Variants in ARHGAP33 observed in about 807,000 individuals in gnomAD.
The protein encoded by ARHGAP33 is Rho GTPase activating protein 33, also known as rho GTPase-activating protein 33.
A neutral mutation model predicts 126.2 loss-of-function variants in ARHGAP33; 57 were observed. That is an observed-to-expected ratio of 0.45 (90% CI 0.36 to 0.56). The LOEUF (loss-of-function observed/expected upper bound fraction) is 0.56. Among genes scored for constraint, ARHGAP33 ranks in the 20% least tolerant of loss-of-function variants. The pLI, the probability that ARHGAP33 is intolerant of heterozygous loss-of-function variation, is 0.00. For missense variants in ARHGAP33, 1,500 were observed against 1,748.3 expected, an observed-to-expected ratio of 0.86 and a Z score of 2.53; for synonymous variants, 711 against 755.0, an observed-to-expected ratio of 0.94 and a Z score of 0.95.
rs376028744 is a variant in ARHGAP33 at position 35,787,440 on chromosome 19, C to T, written c.2875C>T (p.Pro959Ser). ...SGPPPNSLAH[P>S]GAWVPGPPPY... ...GCCACCTCCCAACTCCCTAGCACAC[C>T]CGGGTGCCTGGGTCCCGGGACCCCC... Residue 959 changes from proline to serine, a missense_variant, in exon 21 of 21, where the codon CCG (proline) becomes TCG (serine). By Grantham distance (74) the Pro-to-Ser change is moderately conservative. Coordinates refer to ENST00000007510, the MANE Select transcript of ARHGAP33 (RefSeq NM_001366178.1). The T allele has an allele frequency of 5.1e-5, 83 of 1,611,938 alleles. No homozygotes were observed. The African/African-American group carries it at 1.1e-3, about 20-fold the overall frequency.
rs759183272 is a variant in ARHGAP33 at position 35,780,587 on chromosome 19, G to A, written c.708G>A (p.Gly236=). The part of the protein sequence containing the change: ...WWRGKRGFQV[G]FFPSECVELF... ...CTGACCCTGACCTTCCTCAGGTCGG[G>A]TTCTTCCCCAGTGAGTGTGTGGAAC... Residue 236 remains glycine (G), a synonymous_variant, in exon 9 of 21, where the codon GGG becomes GGA. Transcript: ENST00000007510. 20 of 1,590,600 alleles carry A rather than the reference G, an allele frequency of 1.3e-5. No homozygotes were observed. The highest frequency in any genetic ancestry group is 1.7e-5 in the Non-Finnish European group (20 of 1,166,074).
chr19:35,776,306 C>T (rs914731941), intron 1 of ARHGAP33, among the ~76,000 whole-genome samples: 1 of 151,922 alleles, frequency 6.6e-6, no homozygotes, highest in Non-Finnish European at 1.5e-5. Context: ...GTCCTCATCC[C>T]CCTCCCCCAC....
At chr19:35,784,526 C>T (rs746346453) in intron 16 of ARHGAP33, 509 of 1,317,934 alleles carry the variant, frequency 3.9e-4, no homozygotes, top group Admixed American at 6.2e-4. Context: ...CCTCTTGGCC[C>T]GGACGCCGCT....
intron 6 of ARHGAP33, among the ~76,000 whole-genome samples, chr19:35,779,440 C>A (rs947979334): frequency 6.6e-6 from 1 of 151,698 alleles, no homozygotes; most frequent in African/African-American, 2.4e-5. Context: ...GGTTTTTTTT[C>A]TTTTCTTGAG....
At chr19:35,780,695 G>GGGGGGC in intron 9 of ARHGAP33, 47 bp downstream of exon 9, 1 of 1,602,734 alleles carries the variant, frequency 6.2e-7, no homozygotes, top group African/African-American at 1.4e-5. Flanking sequence ...GTGGGAAGGG[G>GGGGGGC]TGGGGCCTCC....
In ARHGAP33 at chr19:35,777,515, G is replaced by T. The variant is rs1971519343; in HGVS notation, c.7-130G>T. ...GCCCAGCCCTCACCTCCCCCGACCT[G>T]CCATCCTGCTTCATGCTCAGGGCGG... On this transcript the variant is annotated intron_variant, in intron 1 of 20. Coordinates refer to ENST00000007510, the MANE Select transcript of ARHGAP33 (RefSeq NM_001366178.1). 2.7e-5 allele frequency: 20 copies of T among 729,788 alleles called. No homozygotes were observed. In the South Asian group the frequency reaches 3.2e-4, roughly 12 times the overall value. 45.2% of individuals were successfully genotyped at this position (729,788 alleles called of 1,614,324 possible). A position where few individuals can be genotyped will look rare whatever the true frequency, so the allele number is the denominator to read the frequency against.
intron 6 of ARHGAP33, 187 bp downstream of exon 6, chr19:35,779,311 CGT>C (rs1291235182): frequency 3.0e-5 from 17 of 574,530 alleles, no homozygotes; most frequent in Non-Finnish European, 4.9e-5. Flanking sequence ...TGTGTGTGCA[CGT>C]GTGTGTGTTA....
Position 35,775,624 on chromosome 19 carries a change from C to T in ARHGAP33, c.-35C>T. ...GCGACGAGAACGGCGAGCGAGGGGT[C>T]GAGCGCGGCCGGGGCCTGAGGAGGC... On this transcript the variant is annotated 5_prime_UTR_variant, in exon 1 of 21. Transcript: ENST00000007510. 2.0e-6 allele frequency: 3 copies of T among 1,516,226 alleles called. No individual in the cohort carries two copies. Among genetic ancestry groups the T allele is most frequent in the South Asian group, 2.5e-5 (2 of 80,154 alleles). The allele number at this position is 1,516,226 out of a possible 1,614,324, so 93.9% of individuals were successfully genotyped here. A position where few individuals can be genotyped will look rare whatever the true frequency, so the allele number is the denominator to read the frequency against.
Position 35,780,342 on chromosome 19 carries a change from G to T in ARHGAP33, c.624+9G>T, listed in dbSNP as rs1322472486. ...ATGAGCTGTCCTTTGAGGTGAGGCT[G>T]TGGGGAAGCAGATTCCAGCTGGGCT... On this transcript the variant is annotated intron_variant, in intron 7 of 20. Transcript: ENST00000007510. 2 of 1,613,414 alleles carry T rather than the reference G, an allele frequency of 1.2e-6. No homozygotes were observed. The highest frequency in any genetic ancestry group is 1.7e-6 in the Non-Finnish European group (2 of 1,179,944).
chr19:35,780,136 G>A (rs1005013467), intron 6 of ARHGAP33, 75 bp from the exon 7 acceptor site: 114 of 1,579,180 alleles, frequency 7.2e-5, no homozygotes, highest in Non-Finnish European at 8.4e-5. Flanking sequence ...GCCTCACCCA[G>A]CGCGGAGGAG....
chr19:35,781,867 G>A (rs577219401), intron 12 of ARHGAP33, among the ~76,000 whole-genome samples: 21 of 152,194 alleles, frequency 1.4e-4, no homozygotes, highest in South Asian at 6.2e-4. Context: ...GTCTAGAGGC[G>A]GGGAGGAGCC....
chr19:35,776,397 C>G (rs1189577149), intron 1 of ARHGAP33, among the ~76,000 whole-genome samples: 2 of 152,116 alleles, frequency 1.3e-5, no homozygotes, highest in Admixed American at 1.3e-4. Context: ...GAGACCGCCT[C>G]TGTGCAGGCC....
Position 35,784,869 on chromosome 19 carries a change from GGGGCTT to G in ARHGAP33, c.1568-78_1568-73del, listed in dbSNP as rs1409261504. On this transcript the variant is annotated intron_variant, in intron 16 of 20. Coordinates refer to ENST00000007510, the MANE Select transcript of ARHGAP33 (RefSeq NM_001366178.1). ...GCCCGGGTGGGCATGCTGCGGGGCC[GGGGCTT>G]GGGCTGTGGCGCTTGGCTTTGCCTG... 2.1e-6 allele frequency: 3 copies of G among 1,399,658 alleles called. No homozygotes were observed. The African/African-American group carries it at 4.6e-5, about 21-fold the overall frequency. 86.7% of individuals were successfully genotyped at this position (1,399,658 alleles called of 1,614,324 possible). A position where few individuals can be genotyped will look rare whatever the true frequency, so the allele number is the denominator to read the frequency against.
chr19:35,787,775 G>C lies in ARHGAP33; in HGVS notation c.3210G>C (p.Arg1070Ser). The change falls in exon 21 of 21, where the codon AGG becomes AGC. Residue 1070 changes from arginine to serine, a missense_variant. Arg to Ser is a moderately radical substitution (Grantham distance 110). Around this residue, in one of 6 missense-constraint regions of ARHGAP33, gnomAD observed 642 missense variants for 634.0 expected, o/e 1.01. Transcript: ENST00000007510. The part of the protein sequence containing the change: ...FQPSSPAPVW[R>S]SSLGPPAPLD... ...CCAGTTCCCCAGCCCCAGTCTGGAG[G>C]AGCTCTCTGGGCCCCCCTGCACCAC... 1 of 1,582,056 alleles carries C rather than the reference G, an allele frequency of 6.3e-7. No homozygotes were observed.
chr19:35,775,753 C>T (rs1054946083), intron 1 of ARHGAP33, 89 bp downstream of exon 1: 120 of 1,314,944 alleles, frequency 9.1e-5, no homozygotes, highest in Middle Eastern at 5.2e-4. Flanking sequence ...CCCCCGGCCC[C>T]GCCCGATCCC....
Position 35,785,041 on chromosome 19 carries a change from C to G in ARHGAP33, c.1656C>G (p.Thr552=). Residue 552 remains threonine, a synonymous_variant, in exon 17 of 21, where the codon ACC becomes ACG. Transcript: ENST00000007510. ...CGCTGGAGGAAGCCCAGGCACGCAC[C>G]CAGGGCCGGCTGGGGACGCCCACGG... The part of the protein sequence containing the change: ...LLTLEEAQAR[T]QGRLGTPTEP... 6.4e-7 allele frequency: 1 copy of G among 1,553,416 alleles called. No homozygotes were observed. The highest frequency in any genetic ancestry group is 1.4e-5 in the African/African-American group (1 of 73,332).
Position 35,788,359 on chromosome 19 carries a change from G to GGGACCA in ARHGAP33, c.3794_3795insGGACCA (p.Gly1265_Pro1266insAspHis), listed in dbSNP as rs1347354012. ...GGAGGGCAAAGAGGGGAGGGGGCTG[G>GGGACCA]TCCCCCACCCCCTTACCCCACTCCC... On this transcript the variant is annotated inframe_insertion, in exon 21 of 21. Coordinates refer to ENST00000007510, the MANE Select transcript of ARHGAP33 (RefSeq NM_001366178.1). The GGGACCA allele has an allele frequency of 6.2e-7, 1 of 1,600,878 alleles. No individual in the cohort carries two copies. The highest frequency in any genetic ancestry group is 2.3e-5 in the East Asian group (1 of 44,336).
intron 19 of ARHGAP33, chr19:35,785,702 C>G: frequency 2.1e-6 from 3 of 1,399,290 alleles, no homozygotes; most frequent in Non-Finnish European, 2.8e-6. Flanking sequence ...ATGACGGGCC[C>G]TTTAAAAGTC....
chr19:35,778,817 T>C, intron 5 of ARHGAP33: 1 of 870,408 alleles, frequency 1.1e-6, no homozygotes, highest in East Asian at 2.7e-5. Flanking sequence ...GGGGGTCCCA[T>C]GGGAGGGTCA....
Sources: allele counts gnomAD v4.1 joint callset (sites outside exome capture counted in the v4.1 genomes callset), GRCh38; gene constraint gnomAD v4.1.1; regional missense constraint gnomAD v4.1.1; transcripts MANE v1.5; gene names NCBI Gene and HGNC (gene_info 2026-07-23, HGNC 2026-07-21).